Variants in CTNNA2 observed in about 807,000 individuals in gnomAD.
The protein encoded by CTNNA2 is catenin alpha 2, also known as catenin alpha-2.
CTNNA2 carries 42 observed loss-of-function variants against 101.0 expected under a neutral mutation model. The ratio of observed to expected loss-of-function variants is 0.42; its 90% CI spans 0.32 to 0.54. The LOEUF is 0.54. Among genes scored for constraint, CTNNA2 ranks in the 20% least tolerant of loss-of-function variants. The pLI is 0.14. For synonymous variants in CTNNA2, 450 were observed against 456.4 expected, an observed-to-expected ratio of 0.99 and a Z score of 0.18; for missense variants, 871 against 1,223.1, an observed-to-expected ratio of 0.71 and a Z score of 4.29.
intron 7 of CTNNA2, among the ~76,000 whole-genome samples, chr2:80,021,452 A>G (rs1375038645): frequency 6.6e-6 from 1 of 152,202 alleles, no homozygotes; most frequent in African/African-American, 2.4e-5. Flanking sequence ...TGGTGTGCAG[A>G]AGAATGCAGT....
chr2:79,570,461 T>A (rs1675394714), intron 1 of CTNNA2, among the ~76,000 whole-genome samples: 1 of 152,174 alleles, frequency 6.6e-6, no homozygotes, highest in Non-Finnish European at 1.5e-5. Flanking sequence ...GTTTACAAAT[T>A]GTTGTCATCC....
At chr2:79,648,411 T>A (rs938721403) in intron 1 of CTNNA2, among the ~76,000 whole-genome samples, 2 of 152,320 alleles carry the variant, frequency 1.3e-5, no homozygotes, top group Middle Eastern at 3.4e-3. Context: ...TGGAACAGAA[T>A]CTTTTTTTTC....
At chr2:79,616,104 CAT>C in intron 1 of CTNNA2, among the ~76,000 whole-genome samples, 2 of 152,310 alleles carry the variant, frequency 1.3e-5, no homozygotes, top group Non-Finnish European at 2.9e-5. Context: ...CAAAGCCAAA[CAT>C]ACTTACTATC....
rs553686023 is a variant in CTNNA2 at position 80,522,521 on chromosome 2, A to G, written c.1291-22461A>G. On this transcript the variant is annotated intron_variant, in intron 9 of 18. Transcript: ENST00000402739. ...TGCTGTTAAAGGTGACGGGACTTTAATTGCCGAGTAGGAATCTTAGTTTTC... is the reference window on the plus strand; with the variant it reads ...TGCTGTTAAAGGTGACGGGACTTTAGTTGCCGAGTAGGAATCTTAGTTTTC... Among the ~76,000 whole-genome samples, 5 of 152,320 alleles carry G rather than the reference A, an allele frequency of 3.3e-5. No individual in the cohort carries two copies. In the East Asian group the frequency reaches 9.7e-4, roughly 29 times the overall value.
upstream of CTNNA2, among the ~76,000 whole-genome samples, chr2:79,508,814 A>C (rs1413415042): frequency 1.3e-5 from 2 of 151,692 alleles, no homozygotes; most frequent in Non-Finnish European, 2.9e-5. Flanking sequence ...CCAATGTCAC[A>C]AACTAGAATA....
intron 3 of CTNNA2, among the ~76,000 whole-genome samples, chr2:79,329,290 A>G (rs1676817259): frequency 6.6e-6 from 1 of 152,096 alleles, no homozygotes; most frequent in Admixed American, 6.6e-5. Context: ...AACAACATAG[A>G]TGGGCATCAT....
intron 2 of CTNNA2, among the ~76,000 whole-genome samples, chr2:79,274,745 A>T (rs996719734): frequency 6.6e-6 from 1 of 152,040 alleles, no homozygotes; most frequent in Non-Finnish European, 1.5e-5. Flanking sequence ...GTTTTCTATT[A>T]TATAGATTTA....
chr2:79,244,901 C>A (rs528523565), intron 2 of CTNNA2, among the ~76,000 whole-genome samples: 3 of 151,896 alleles, frequency 2.0e-5, no homozygotes, highest in Non-Finnish European at 4.4e-5. Flanking sequence ...TTGAGACCAG[C>A]CTGACCAACA....
chr2:80,024,018 C>T (rs1245911019), intron 7 of CTNNA2, among the ~76,000 whole-genome samples: 1 of 144,276 alleles, frequency 6.9e-6, no homozygotes, highest in African/African-American at 2.6e-5. Context: ...ACCCGGGAGG[C>T]GGAGCTTGCA....
Position 80,463,812 on chromosome 2 carries a change from G to C in CTNNA2, c.1290+44211G>C, listed in dbSNP as rs1278524477. ...TATTTTCTAGGCAGTTTGGCTAAAG[G>C]ATAAATGGCTTGCCCCAAGGCACAT... On this transcript the variant is annotated intron_variant, in intron 9 of 18. Transcript: ENST00000402739. 2.0e-5 allele frequency among the ~76,000 whole-genome samples: 3 copies of C among 152,236 alleles called. No homozygotes were observed. The East Asian group carries it at 5.8e-4, about 29-fold the overall frequency.
At chr2:80,628,889 G>A (rs893641320) in intron 18 of CTNNA2, among the ~76,000 whole-genome samples, 8 of 152,226 alleles carry the variant, frequency 5.3e-5, no homozygotes, top group Admixed American at 3.9e-4. Context: ...GTTCTTGCAA[G>A]TGTATGCCCT....
chr2:79,412,150 G>C (rs960652534), intron 4 of CTNNA2, among the ~76,000 whole-genome samples: 1 of 152,050 alleles, frequency 6.6e-6, no homozygotes, highest in Non-Finnish European at 1.5e-5. Context: ...GACAAAGAAG[G>C]CCATTACAGA....
chr2:80,454,865 C>T (rs1293171867), intron 9 of CTNNA2, among the ~76,000 whole-genome samples: 29 of 152,218 alleles, frequency 1.9e-4, no homozygotes, highest in Admixed American at 1.8e-3. Flanking sequence ...TCAGTGCTTC[C>T]CTCTCTGATG....
intron 7 of CTNNA2, among the ~76,000 whole-genome samples, chr2:80,315,306 A>G (rs1678006760): frequency 6.6e-6 from 1 of 152,210 alleles, no homozygotes; most frequent in African/African-American, 2.4e-5. Flanking sequence ...TGGTTAAAAC[A>G]ACAATCACTT....
At chr2:80,368,460 A>C (rs1334867127) in intron 7 of CTNNA2, among the ~76,000 whole-genome samples, 1 of 152,092 alleles carries the variant, frequency 6.6e-6, no homozygotes, top group African/African-American at 2.4e-5. Context: ...CATGTGCTAA[A>C]TTTGGAGAAT....
intron 7 of CTNNA2, among the ~76,000 whole-genome samples, chr2:80,368,241 A>C (rs1280781435): frequency 6.6e-6 from 1 of 152,062 alleles, no homozygotes; most frequent in Admixed American, 6.5e-5. Context: ...AGAGATTATA[A>C]AATACTACCC....
At chr2:80,159,091 G>A (rs1322875544) in intron 7 of CTNNA2, among the ~76,000 whole-genome samples, 10 of 152,136 alleles carry the variant, frequency 6.6e-5, no homozygotes, top group South Asian at 2.1e-4. Context: ...GTAAAGCCAC[G>A]AAAAATATGT....
At chr2:80,240,650 C>A (rs1412860711) in intron 7 of CTNNA2, among the ~76,000 whole-genome samples, 1 of 152,114 alleles carries the variant, frequency 6.6e-6, no homozygotes, top group Non-Finnish European at 1.5e-5. Flanking sequence ...CTCTCTGTTA[C>A]ATGATTCTGT....
Position 79,716,201 on chromosome 2 carries a change from T to C in CTNNA2, c.103-28186T>C, listed in dbSNP as rs1023043384. Among the ~76,000 whole-genome samples the C allele has an allele frequency of 4.6e-5, 7 of 152,160 alleles. No homozygotes were observed. The South Asian group carries it at 1.4e-3, about 32-fold the overall frequency. ...CTCAGATGACAGCAAAAGGAAGACTTTTAAAAATTTTTTTGCCAATACACC... is the reference window on the plus strand; with the variant it reads ...CTCAGATGACAGCAAAAGGAAGACTCTTAAAAATTTTTTTGCCAATACACC... On this transcript the variant is annotated intron_variant, in intron 2 of 18. Transcript: ENST00000402739.
Sources: allele counts gnomAD v4.1 joint callset (sites outside exome capture counted in the v4.1 genomes callset), GRCh38; gene constraint gnomAD v4.1.1; transcripts MANE v1.5; gene names NCBI Gene and HGNC (gene_info 2026-07-23, HGNC 2026-07-21).